Variants in TTC39C observed in about 807,000 individuals in gnomAD.
TTC39C encodes the protein tetratricopeptide repeat domain 39C, also known as tetratricopeptide repeat protein 39C.
A neutral mutation model predicts 76.3 loss-of-function variants in TTC39C; 33 were observed. The observed-to-expected ratio is 0.43, with a 90% confidence interval of 0.33 to 0.58. The LOEUF is 0.58. TTC39C is among the 20% of genes least tolerant of loss of function. The pLI, the probability that TTC39C is intolerant of heterozygous loss-of-function variation, is 0.04. For missense variants in TTC39C, 595 were observed against 701.4 expected, an observed-to-expected ratio of 0.85 and a Z score of 1.71; for synonymous variants, 254 against 260.6, an observed-to-expected ratio of 0.97 and a Z score of 0.24.
chr18:24,111,705 G>A (rs2084813276), intron 6 of TTC39C, among the ~76,000 whole-genome samples: 1 of 151,876 alleles, frequency 6.6e-6, no homozygotes, highest in Non-Finnish European at 1.5e-5. Context: ...GACCAGCATG[G>A]GCAGTGTAGT....
At chr18:24,050,415 C>G (rs1201607083) in intron 1 of TTC39C, among the ~76,000 whole-genome samples, 1 of 151,728 alleles carries the variant, frequency 6.6e-6, no homozygotes, top group South Asian at 2.1e-4. Flanking sequence ...ACTAAAAATA[C>G]AGAAATTAGC....
At chr18:24,067,095 G>A (rs1338995287) in intron 3 of TTC39C, among the ~76,000 whole-genome samples, 1 of 152,132 alleles carries the variant, frequency 6.6e-6, no homozygotes, top group South Asian at 2.1e-4. Context: ...CAAAAATCCT[G>A]TTATTTCTTC....
intron 6 of TTC39C, among the ~76,000 whole-genome samples, chr18:24,096,795 G>A (rs2084595776): frequency 6.6e-6 from 1 of 152,086 alleles, no homozygotes; most frequent in Non-Finnish European, 1.5e-5. Flanking sequence ...TTGACAAATG[G>A]AATTAAAAGA....
At chr18:24,078,807 G>T (rs527676032) in intron 4 of TTC39C, among the ~76,000 whole-genome samples, 5 of 152,282 alleles carry the variant, frequency 3.3e-5, no homozygotes, top group African/African-American at 1.2e-4. Flanking sequence ...TATTTGTGCA[G>T]ACAGTTTAGG....
chr18:24,095,218 C>T (rs908803292), intron 6 of TTC39C, among the ~76,000 whole-genome samples: 3 of 152,312 alleles, frequency 2.0e-5, no homozygotes, highest in Non-Finnish European at 2.9e-5. Context: ...GCTTCCTCAC[C>T]TCTGTCAGCC....
Position 24,069,210 on chromosome 18 carries a change from A to G in TTC39C, c.399A>G (p.Ile133Met), listed in dbSNP as rs2084206519. The G allele has an allele frequency of 6.2e-7, 1 of 1,614,144 alleles. No individual in the cohort carries two copies. The highest frequency in any genetic ancestry group is 8.5e-7 in the Non-Finnish European group (1 of 1,179,958). ...PSMVDRLQRQ[I>M]IIADCQVYLA... is the part of the protein sequence containing the mutation. The stretch of plus-strand genomic sequence containing the variant: ...TGGTTGATCGGCTTCAGAGGCAGAT[A>G]ATCATAGCTGACTGCCAGGTTTACC... Residue 133 changes from isoleucine (I) to methionine (M), a missense_variant, in exon 4 of 14, where the codon ATA (isoleucine) becomes ATG (methionine). Physicochemically the swap from Ile to Met is conservative, Grantham distance 10 (BLOSUM62 1). Coordinates refer to ENST00000317571, the MANE Select transcript of TTC39C (RefSeq NM_001135993.2).
At chr18:24,092,818 C>T (rs942766261) in intron 6 of TTC39C, among the ~76,000 whole-genome samples, 7 of 152,180 alleles carry the variant, frequency 4.6e-5, no homozygotes, top group Non-Finnish European at 1.0e-4. Context: ...AGCACAATGG[C>T]TCACACCTGT....
At chr18:24,078,248 T>A (rs979812341) in intron 4 of TTC39C, among the ~76,000 whole-genome samples, 2 of 152,206 alleles carry the variant, frequency 1.3e-5, no homozygotes, top group African/African-American at 4.8e-5. Context: ...TTAAATGTGA[T>A]CCCCTGGGTG....
intron 4 of TTC39C, among the ~76,000 whole-genome samples, chr18:24,073,032 C>T (rs1342143228): frequency 6.6e-6 from 1 of 152,214 alleles, no homozygotes; most frequent in Non-Finnish European, 1.5e-5. Flanking sequence ...GTGCTGTCCA[C>T]GTGCTCCCAC....
At chr18:24,092,394 A>G (rs2084534319) in intron 6 of TTC39C, among the ~76,000 whole-genome samples, 1 of 152,162 alleles carries the variant, frequency 6.6e-6, no homozygotes, top group Non-Finnish European at 1.5e-5. Flanking sequence ...ATGAAACAGC[A>G]ATTTCACTCC....
At chr18:24,037,058 A>G (rs2083741435) in intron 1 of TTC39C, among the ~76,000 whole-genome samples, 1 of 152,142 alleles carries the variant, frequency 6.6e-6, no homozygotes, top group Admixed American at 6.5e-5. Flanking sequence ...TAGGACTTCT[A>G]GTGCTATGGT....
intron 1 of TTC39C, among the ~76,000 whole-genome samples, chr18:24,000,062 A>T (rs961287539): frequency 6.6e-6 from 1 of 152,156 alleles, no homozygotes; most frequent in Non-Finnish European, 1.5e-5. Context: ...GGGGCAGGAC[A>T]CTTTCCCTAC....
At chr18:24,059,948 G>A (rs947913665) in intron 1 of TTC39C, among the ~76,000 whole-genome samples, 1 of 152,140 alleles carries the variant, frequency 6.6e-6, no homozygotes, top group Non-Finnish European at 1.5e-5. Context: ...CCAGGTGAAA[G>A]GGGAAATGCC....
chr18:24,022,767 G>A lies in TTC39C; in HGVS notation c.167+7729G>A, dbSNP rs1186612411. 13 of 985,276 alleles carry A rather than the reference G, an allele frequency of 1.3e-5. No individual in the cohort carries two copies. The South Asian group carries it at 5.2e-4, about 39-fold the overall frequency. The allele number at this position is 985,276 out of a possible 1,614,324, so 61.0% of individuals were successfully genotyped here. On this transcript the variant is annotated intron_variant, in intron 1 of 13. Coordinates refer to ENST00000317571, the MANE Select transcript of TTC39C (RefSeq NM_001135993.2). ...GGCCTGGCCTCCGATGTCCTGTGAT[G>A]TGGCCCTGTCTGCTTCCTGTCCTGC...
intron 1 of TTC39C, among the ~76,000 whole-genome samples, chr18:24,051,978 T>C (rs1332865133): frequency 6.6e-6 from 1 of 152,192 alleles, no homozygotes; most frequent in Non-Finnish European, 1.5e-5. Context: ...TCTTGGGGAC[T>C]TCCATTTATT....
intron 1 of TTC39C, among the ~76,000 whole-genome samples, chr18:24,024,956 A>G (rs984805673): frequency 2.0e-5 from 3 of 151,958 alleles, no homozygotes; most frequent in African/African-American, 7.3e-5. Flanking sequence ...GCAACCTCCA[A>G]CTCCTGGGTT....
chr18:24,132,546 CCT>C lies in TTC39C; in HGVS notation c.1729_1730del (p.Leu577GlufsTer26). ...CATGTCCGCATCCATGCTGCTCTGG[CCT>C]CTCTGAGGGAATTGGTTCCTCAGTG... On this transcript the variant is annotated frameshift_variant, in exon 14 of 14. Transcript: ENST00000317571. LOFTEE classifies it high-confidence loss of function. 1 of 1,614,018 alleles carries C rather than the reference CCT, an allele frequency of 6.2e-7. No individual in the cohort carries two copies.
At chr18:24,104,036 A>G (rs1034803987) in intron 6 of TTC39C, among the ~76,000 whole-genome samples, 15 of 151,720 alleles carry the variant, frequency 9.9e-5, no homozygotes, top group South Asian at 2.1e-4. Context: ...GGTTCAAGCA[A>G]TTCTCCTACC....
At chr18:24,083,969 C>T (rs926387198) in intron 6 of TTC39C, among the ~76,000 whole-genome samples, 7 of 152,188 alleles carry the variant, frequency 4.6e-5, no homozygotes, top group East Asian at 1.9e-4. Flanking sequence ...AAATCAGCCC[C>T]CATGAGTCCT....
Sources: gnomAD v4.1 joint callset for allele counts (sites outside exome capture counted in the v4.1 genomes callset) on GRCh38, gnomAD v4.1.1 for gene constraint, MANE v1.5 for transcripts, NCBI Gene and HGNC (gene_info 2026-07-23, HGNC 2026-07-21) for gene names.